The following FAM135B variants were observed in gnomAD, a reference collection of about 807,000 sequenced individuals.
The protein encoded by FAM135B is protein FAM135B.
FAM135B carries 43 observed loss-of-function variants against 127.7 expected under a neutral mutation model. The ratio of observed to expected loss-of-function variants is 0.34; its 90% CI spans 0.26 to 0.43. The LOEUF is 0.43. FAM135B is among the 20% of genes least tolerant of loss of function. The pLI, the probability that FAM135B is intolerant of heterozygous loss-of-function variation, is 1.00. For synonymous variants in FAM135B, 670 were observed against 665.1 expected, an observed-to-expected ratio of 1.01 and a Z score of -0.11; for missense variants, 1,558 against 1,725.6, an observed-to-expected ratio of 0.90 and a Z score of 1.72.
intron 2 of FAM135B, among the ~76,000 whole-genome samples, chr8:138,355,941 T>C (rs1325593016): frequency 6.6e-6 from 1 of 152,104 alleles, no homozygotes; most frequent in African/African-American, 2.4e-5. Flanking sequence ...TGGAATGTGA[T>C]TAAGTAATTA....
chr8:138,328,195 T>C (rs867925703), intron 2 of FAM135B, among the ~76,000 whole-genome samples: 3 of 152,266 alleles, frequency 2.0e-5, no homozygotes, highest in Middle Eastern at 6.8e-3. Context: ...TTTGTGCATG[T>C]TGCATATCTC....
At chr8:138,300,232 G>A (rs967112343) in intron 3 of FAM135B, among the ~76,000 whole-genome samples, 2 of 150,432 alleles carry the variant, frequency 1.3e-5, no homozygotes, top group African/African-American at 4.9e-5. Flanking sequence ...CCTTATACCC[G>A]TGTCCCTCCC....
At chr8:138,307,267 G>C (rs888248210) in intron 3 of FAM135B, among the ~76,000 whole-genome samples, 1 of 152,156 alleles carries the variant, frequency 6.6e-6, no homozygotes, top group Non-Finnish European at 1.5e-5. Context: ...GTCTCTATTT[G>C]CCTGCTGCCA....
At chr8:138,390,152 CTT>C (rs1366175242) in intron 1 of FAM135B, among the ~76,000 whole-genome samples, 8 of 152,116 alleles carry the variant, frequency 5.3e-5, no homozygotes, top group East Asian at 1.9e-4. Flanking sequence ...TAATATTTCT[CTT>C]TGTCTCAAAT....
At chr8:138,214,105 G>A (rs898859790) in intron 7 of FAM135B, among the ~76,000 whole-genome samples, 6 of 151,958 alleles carry the variant, frequency 3.9e-5, no homozygotes, top group Non-Finnish European at 7.4e-5. Flanking sequence ...ATGCCTTCAC[G>A]TTACCAAATC....
At chr8:138,424,626 C>G (rs1834733752) in intron 1 of FAM135B, among the ~76,000 whole-genome samples, 1 of 152,162 alleles carries the variant, frequency 6.6e-6, no homozygotes, top group South Asian at 2.1e-4. Flanking sequence ...AATTATGGCT[C>G]TGTCAGGTTA....
At chr8:138,197,094 T>C (rs1212588485) in intron 8 of FAM135B, among the ~76,000 whole-genome samples, 1 of 66,150 alleles carries the variant, frequency 1.5e-5, no homozygotes, top group Non-Finnish European at 3.3e-5. Flanking sequence ...TGTGTGTGTG[T>C]GTGTGTGTGT....
chr8:138,141,217 G>A lies in FAM135B; in HGVS notation c.3771C>T (p.Asn1257=), dbSNP rs1313110175. ...TCTTACCTGTACTAACCAGGGTGCTGTTGTTGTACAGGGTTCCCAGGTGAG... is the reference window on the plus strand; with the variant it reads ...TCTTACCTGTACTAACCAGGGTGCTATTGTTGTACAGGGTTCCCAGGTGAG... ...SGPHLGTLYN[N]STLVSTGLWL... The change falls in exon 17 of 20, where the codon AAC becomes AAT. Residue 1257 remains asparagine, a synonymous_variant. Transcript: ENST00000395297. The surrounding 1 kb of genome is among the most constrained non-coding windows in gnomAD (Gnocchi z 4.7). 6.2e-7 allele frequency: 1 copy of A among 1,614,124 alleles called. No individual in the cohort carries two copies. The highest frequency in any genetic ancestry group is 1.1e-5 in the South Asian group (1 of 91,080).
intron 4 of FAM135B, 86 bp downstream of exon 4, chr8:138,265,617 C>G (rs191279200): frequency 6.7e-7 from 1 of 1,482,254 alleles, no homozygotes; most frequent in Non-Finnish European, 9.3e-7. Flanking sequence ...CCCATACCTT[C>G]TTCTTTCAAC....
intron 1 of FAM135B, among the ~76,000 whole-genome samples, chr8:138,481,687 G>A (rs896152621): frequency 3.9e-5 from 6 of 152,108 alleles, no homozygotes; most frequent in Non-Finnish European, 7.3e-5. Context: ...CTTTATTCTC[G>A]CTTGAATGAC....
At chr8:138,469,022 C>T (rs12677063) in intron 1 of FAM135B, among the ~76,000 whole-genome samples, 64,899 of 149,804 alleles carry the variant, frequency 0.43, 15,908 homozygotes, top group East Asian at 0.76. Context: ...CCAGCCTGGG[C>T]GACAGAACAA....
chr8:138,284,153 A>G (rs1256244296), intron 3 of FAM135B, among the ~76,000 whole-genome samples: 1 of 152,160 alleles, frequency 6.6e-6, no homozygotes. Flanking sequence ...TTAGTGAATG[A>G]CCCTATAATC....
At position 138,227,338 on chromosome 8, in the gene FAM135B, G is replaced by T. The variant is rs566676199; in HGVS notation, c.669+15604C>A. Among the ~76,000 whole-genome samples, 21 of 152,302 alleles carry T rather than the reference G, an allele frequency of 1.4e-4. No homozygotes were observed. The South Asian group carries it at 3.3e-3, about 24-fold the overall frequency. ...AAATAATTAAATACAAAATGAATCT[G>T]CAAATCAAGGGCAGCCCACGCAGTT... is the stretch of plus-strand genomic sequence containing the variant. On this transcript the variant is annotated intron_variant, in intron 7 of 19. Coordinates refer to ENST00000395297, the MANE Select transcript of FAM135B (RefSeq NM_015912.4).
chr8:138,217,865 AG>A (rs201935462), intron 7 of FAM135B, among the ~76,000 whole-genome samples: 2,131 of 152,288 alleles, frequency 0.014, 51 homozygotes, highest in African/African-American at 0.047. Context: ...AAGTAGGAAG[AG>A]AAAAAGTTGA....
intron 2 of FAM135B, among the ~76,000 whole-genome samples, chr8:138,321,241 T>C (rs1827435108): frequency 6.6e-6 from 1 of 152,136 alleles, no homozygotes; most frequent in African/African-American, 2.4e-5. Context: ...CAACCCCATA[T>C]TTCATTAAAG....
intron 7 of FAM135B, among the ~76,000 whole-genome samples, chr8:138,231,768 G>A (rs1299771933): frequency 6.6e-6 from 1 of 152,152 alleles, no homozygotes; most frequent in Non-Finnish European, 1.5e-5. Flanking sequence ...AGTATATTCA[G>A]GAAGGTGTGA....
chr8:138,246,219 A>T (rs1190966466), intron 6 of FAM135B, among the ~76,000 whole-genome samples: 3 of 152,198 alleles, frequency 2.0e-5, no homozygotes, highest in Non-Finnish European at 4.4e-5. Context: ...TGCTGCAGAA[A>T]TTTGCATAAG....
At chr8:138,405,915 G>A (rs1333251391) in intron 1 of FAM135B, among the ~76,000 whole-genome samples, 2 of 152,024 alleles carry the variant, frequency 1.3e-5, no homozygotes, top group Admixed American at 6.6e-5. Context: ...TCTAACTGGT[G>A]TGAGATGGTG....
chr8:138,446,187 C>T (rs565184844), intron 1 of FAM135B, among the ~76,000 whole-genome samples: 260 of 152,292 alleles, frequency 1.7e-3, no homozygotes, highest in African/African-American at 5.2e-3. Context: ...ATTCCATGCT[C>T]ATGGGTAGGA....
Sources: allele counts gnomAD v4.1 joint callset (sites outside exome capture counted in the v4.1 genomes callset), GRCh38; gene constraint gnomAD v4.1.1; non-coding constraint Gnocchi (gnomAD v3.1); transcripts MANE v1.5; gene names NCBI Gene and HGNC (gene_info 2026-07-23, HGNC 2026-07-21).